Variants in SPATA13 observed in about 807,000 individuals in gnomAD.
SPATA13 encodes the protein spermatogenesis-associated protein 13.
A neutral mutation model predicts 104.0 loss-of-function variants in SPATA13; 50 were observed. The ratio of observed to expected loss-of-function variants is 0.48; its 90% CI spans 0.38 to 0.61. The LOEUF (loss-of-function observed/expected upper bound fraction) is 0.61, where lower values mean the gene tolerates loss of function less well. SPATA13 is among the 20% of genes least tolerant of loss of function. SPATA13 has a pLI of 0.00. For missense variants in SPATA13, 1,524 were observed against 1,690.6 expected (o/e 0.90, Z 1.73); for synonymous variants, 606 against 667.5 (o/e 0.91, Z 1.42).
chr13:24,228,110 T>TTTTTCTTTTC (rs1317177348), intron 2 of SPATA13, among the ~76,000 whole-genome samples: 23 of 65,364 alleles, frequency 3.5e-4, no homozygotes, highest in African/African-American at 1.3e-3. Context: ...CTTGTACTCT[T>TTTTTCTTTTC]TTTTTTTTTT....
chr13:24,201,941 G>A (rs1870430690), intron 1 of SPATA13, among the ~76,000 whole-genome samples: 1 of 152,036 alleles, frequency 6.6e-6, no homozygotes, highest in African/African-American at 2.4e-5. Context: ...TCATGTAGTT[G>A]GAATCATGTA....
At chr13:24,200,141 C>T (rs1399463804) in intron 1 of SPATA13, among the ~76,000 whole-genome samples, 1 of 152,106 alleles carries the variant, frequency 6.6e-6, no homozygotes, top group African/African-American at 2.4e-5. Flanking sequence ...TTAATTTAAC[C>T]CAACTACAGT....
intron 2 of SPATA13, among the ~76,000 whole-genome samples, chr13:24,244,738 C>T (rs1366327749): frequency 2.6e-5 from 4 of 152,142 alleles, no homozygotes; most frequent in Non-Finnish European, 5.9e-5. Context: ...TGGTATGCAC[C>T]TGTAGTCCCA....
At chr13:24,128,701 G>A (rs970923126) in intron 3 of SPATA13, among the ~76,000 whole-genome samples, 2 of 147,640 alleles carry the variant, frequency 1.4e-5, no homozygotes, top group African/African-American at 2.5e-5. Flanking sequence ...TATATTTCAG[G>A]AGAATTTAAA....
chr13:24,015,972 G>A (rs1278607178), intron 2 of SPATA13, among the ~76,000 whole-genome samples: 2 of 152,160 alleles, frequency 1.3e-5, no homozygotes, highest in African/African-American at 2.4e-5. Context: ...CGGATGTCGC[G>A]GCTCCTTGGC....
rs1235372867 is a variant in SPATA13 at position 24,306,470 on chromosome 13, G to A, written c.*3697G>A. The stretch of plus-strand genomic sequence containing the variant: ...TGTCCTTTCACCAGCTCACAGGCCA[G>A]AAATGGAGGACCCAAGTCAACTAGG... On this transcript the variant is annotated 3_prime_UTR_variant, in exon 13 of 13. Coordinates refer to ENST00000382108, the MANE Select transcript of SPATA13 (RefSeq NM_001166271.3). 1 of 152,204 alleles carries A rather than the reference G, an allele frequency of 6.6e-6. No individual in the cohort carries two copies. The highest frequency in any genetic ancestry group is 1.5e-5 in the Non-Finnish European group (1 of 68,042). The allele number at this position is 152,204 out of a possible 1,614,324, so 9.4% of individuals were successfully genotyped here.
At chr13:24,004,288 A>T (rs1876117729) in intron 2 of SPATA13, among the ~76,000 whole-genome samples, 1 of 152,230 alleles carries the variant, frequency 6.6e-6, no homozygotes, top group Non-Finnish European at 1.5e-5. Context: ...TCAGGAGTGA[A>T]ATCCCGGTTC....
rs552189248 is a variant in SPATA13, at chr13:24,099,982, C to T, written c.-112+82281C>T. On this transcript the variant is annotated intron_variant, in intron 3 of 14. Coordinates refer to the SPATA13 transcript ENST00000424834. ...AGTGGAGGAAGAACCGTGACTGGCCCAGGGTCCACGGAGGGGCTTCTGGTG... is the reference window on the plus strand; with the variant it reads ...AGTGGAGGAAGAACCGTGACTGGCCTAGGGTCCACGGAGGGGCTTCTGGTG... Among the ~76,000 whole-genome samples, 5 of 152,294 alleles carry T rather than the reference C, an allele frequency of 3.3e-5. No homozygotes were observed. The East Asian group carries it at 9.6e-4, about 29-fold the overall frequency.
intron 1 of SPATA13, among the ~76,000 whole-genome samples, chr13:24,216,838 G>A (rs144619841): frequency 1.3e-3 from 197 of 152,260 alleles, no homozygotes; most frequent in African/African-American, 4.5e-3. Context: ...ACGATTTGAG[G>A]TCAGGAGTTT....
rs1201496033 is a variant in SPATA13 at position 24,306,157 on chromosome 13, C to T, written c.*3384C>T. Reference sequence around the variant, plus strand: ...TGCCATTCTTATTCAGAAAATCCCCCCATCCTACATGACTGTTATCTAGAC... The same window carrying T: ...TGCCATTCTTATTCAGAAAATCCCCTCATCCTACATGACTGTTATCTAGAC... On this transcript the variant is annotated 3_prime_UTR_variant, in exon 13 of 13. Coordinates refer to ENST00000382108, the MANE Select transcript of SPATA13 (RefSeq NM_001166271.3). 3 of 152,180 alleles carry T rather than the reference C, an allele frequency of 2.0e-5. No individual in the cohort carries two copies. The highest frequency in any genetic ancestry group is 7.2e-5 in the African/African-American group (3 of 41,434). The allele number at this position is 152,180 out of a possible 1,614,324, so 9.4% of individuals were successfully genotyped here.
At chr13:24,271,061 T>TCTCTCA in intron 4 of SPATA13, 5 of 675,166 alleles carry the variant, frequency 7.4e-6, no homozygotes, top group Non-Finnish European at 8.2e-6. Flanking sequence ...TCTCTCTCAC[T>TCTCTCA]CTCTCTCTTT....
intron 3 of SPATA13, among the ~76,000 whole-genome samples, chr13:24,127,398 G>C (rs1442191790): frequency 6.6e-6 from 1 of 152,194 alleles, no homozygotes; most frequent in African/African-American, 2.4e-5. Context: ...TCTCCCTCCA[G>C]TTCCCTGCCT....
chr13:24,265,894 T>C (rs1171530020), intron 4 of SPATA13, among the ~76,000 whole-genome samples: 2 of 152,222 alleles, frequency 1.3e-5, no homozygotes, highest in African/African-American at 4.8e-5. Context: ...ACAGGGAAGC[T>C]GCAGCAGGTG....
chr13:24,216,170 G>C (rs1380786116), intron 1 of SPATA13, among the ~76,000 whole-genome samples: 1 of 152,182 alleles, frequency 6.6e-6, no homozygotes, highest in African/African-American at 2.4e-5. Flanking sequence ...GGGGCATTAT[G>C]GAGGATGCCA....
intron 1 of SPATA13, among the ~76,000 whole-genome samples, chr13:24,203,559 G>A (rs1186837145): frequency 6.6e-6 from 1 of 152,086 alleles, no homozygotes; most frequent in East Asian, 1.9e-4. Flanking sequence ...GGCTCTCTCT[G>A]TTATGTCTAG....
chr13:24,057,138 T>A (rs71429870), intron 3 of SPATA13, among the ~76,000 whole-genome samples: 12,491 of 151,626 alleles, frequency 0.082, 606 homozygotes, highest in Admixed American at 0.11. Flanking sequence ...TGTGCAGGTT[T>A]GTTACATATG....
intron 4 of SPATA13, among the ~76,000 whole-genome samples, chr13:24,279,041 A>T (rs1052404131): frequency 6.0e-5 from 9 of 149,820 alleles, no homozygotes; most frequent in Non-Finnish European, 1.2e-4. Flanking sequence ...GCAGGAACAC[A>T]GTTAAGAATA....
chr13:24,180,206 C>T (rs1039274932), intron 1 of SPATA13, among the ~76,000 whole-genome samples: 1 of 152,260 alleles, frequency 6.6e-6, no homozygotes, highest in East Asian at 1.9e-4. Flanking sequence ...CATTCTTTTG[C>T]ATGTAGAAAT....
At chr13:23,987,557 A>G (rs1360574786) in intron 2 of SPATA13, among the ~76,000 whole-genome samples, 1 of 152,302 alleles carries the variant, frequency 6.6e-6, no homozygotes, top group East Asian at 1.9e-4. Context: ...TTTTTCTCCA[A>G]AAGACCTGAT....
Sources: allele counts gnomAD v4.1 joint callset (sites outside exome capture counted in the v4.1 genomes callset), GRCh38; gene constraint gnomAD v4.1.1; transcripts MANE v1.5; gene names NCBI Gene and HGNC (gene_info 2026-07-23, HGNC 2026-07-21).